Variants in RASAL2 observed in about 807,000 individuals in gnomAD.
RASAL2 encodes the protein ras GTPase-activating protein nGAP.
RASAL2 carries 58 observed loss-of-function variants against 128.9 expected under a neutral mutation model. The ratio of observed to expected loss-of-function variants is 0.45; its 90% confidence interval spans 0.36 to 0.56. The LOEUF (loss-of-function observed/expected upper bound fraction) is 0.56. RASAL2 is among the 20% of genes least tolerant of loss of function. RASAL2 has a pLI of 0.00. For synonymous variants in RASAL2, 561 were observed against 580.8 expected, an observed-to-expected ratio of 0.97 and a Z score of 0.49; for missense variants, 1,360 against 1,601.6, an observed-to-expected ratio of 0.85 and a Z score of 2.57.
chr1:178,358,962 T>A (rs141018835), intron 3 of RASAL2, among the ~76,000 whole-genome samples: 259 of 152,264 alleles, frequency 1.7e-3, no homozygotes, highest in African/African-American at 5.9e-3. Flanking sequence ...ATTCAAACAA[T>A]GTAAAAATTA....
intron 1 of RASAL2, among the ~76,000 whole-genome samples, chr1:178,216,042 G>C (rs1312961578): frequency 6.6e-6 from 1 of 152,156 alleles, no homozygotes; most frequent in Non-Finnish European, 1.5e-5. Flanking sequence ...ATGCTCTTGA[G>C]ACTTTTTGCT....
intron 1 of RASAL2, among the ~76,000 whole-genome samples, chr1:178,227,351 G>A (rs558623942): frequency 1.3e-5 from 2 of 152,210 alleles, no homozygotes; most frequent in African/African-American, 4.8e-5. Flanking sequence ...GTGGTTTTAG[G>A]GTGCAGTTTT....
chr1:178,465,968 C>T lies in RASAL2; in HGVS notation c.3436C>T (p.Arg1146Trp), dbSNP rs914167628. Residue 1146 changes from arginine (R) to tryptophan (W), a missense_variant, in exon 16 of 18, where the codon CGG (arginine) becomes TGG (tryptophan). This residue lies in a region of RASAL2 where 741 missense variants were observed against 868.6 expected (regional missense o/e 0.85). Transcript: ENST00000367649. ...KLKERLRVSS[R>W]RLEEYERRLL... ...GAAGGAGCGCCTGAGAGTTTCCAGC[C>T]GGCGACTGGAGGAATATGAACGCCG... The T allele has an allele frequency of 1.2e-5, 19 of 1,555,890 alleles. No homozygotes were observed. The highest frequency in any genetic ancestry group is 2.7e-5 in the African/African-American group (2 of 73,382).
chr1:178,276,316 A>G (rs1178335359), intron 1 of RASAL2, among the ~76,000 whole-genome samples: 3 of 152,168 alleles, frequency 2.0e-5, no homozygotes, highest in Non-Finnish European at 4.4e-5. Context: ...ATGAAGGGAT[A>G]AAATAAGTAA....
intron 3 of RASAL2, among the ~76,000 whole-genome samples, chr1:178,313,140 C>T (rs1478320309): frequency 2.6e-5 from 4 of 152,090 alleles, no homozygotes; most frequent in African/African-American, 7.2e-5. Context: ...GTCTAAATAA[C>T]GTACATAGTC....
intron 1 of RASAL2, among the ~76,000 whole-genome samples, chr1:178,122,646 A>G (rs989134330): frequency 1.6e-4 from 24 of 152,202 alleles, no homozygotes; most frequent in African/African-American, 5.8e-4. Context: ...GTGGTGCATG[A>G]AAATCTTTAT....
intron 1 of RASAL2, among the ~76,000 whole-genome samples, chr1:178,246,081 T>G (rs1664754945): frequency 6.6e-6 from 1 of 152,212 alleles, no homozygotes. Context: ...AAATTTAAAG[T>G]CATTTTTTCT....
At chr1:178,158,429 A>G (rs1301878420) in intron 1 of RASAL2, among the ~76,000 whole-genome samples, 2 of 152,174 alleles carry the variant, frequency 1.3e-5, no homozygotes. Flanking sequence ...CATAGCAAGT[A>G]CTCCATGAAT....
intron 13 of RASAL2, 43 bp downstream of exon 13, chr1:178,456,942 T>C (rs773360897): frequency 1.3e-6 from 2 of 1,575,918 alleles, no homozygotes; most frequent in Admixed American, 1.7e-5. Context: ...AGAAACATAA[T>C]GTTTAGATTT....
chr1:178,379,994 G>A (rs1027131056), intron 3 of RASAL2, among the ~76,000 whole-genome samples: 4 of 152,100 alleles, frequency 2.6e-5, no homozygotes, highest in Non-Finnish European at 5.9e-5. Context: ...CAGCCTCAGC[G>A]CCCCCTACCC....
At chr1:178,211,031 G>A (rs890618740) in intron 1 of RASAL2, among the ~76,000 whole-genome samples, 1 of 152,166 alleles carries the variant, frequency 6.6e-6, no homozygotes, top group African/African-American at 2.4e-5. Context: ...TTGGTCACCT[G>A]GGGTTTGAAC....
chr1:178,404,929 G>A (rs1448184073), intron 4 of RASAL2, among the ~76,000 whole-genome samples: 1 of 151,960 alleles, frequency 6.6e-6, no homozygotes, highest in Non-Finnish European at 1.5e-5. Context: ...CAATCCTCCT[G>A]CCTCGGCCTC....
intron 3 of RASAL2, among the ~76,000 whole-genome samples, chr1:178,347,263 C>A (rs1267626499): frequency 1.3e-5 from 2 of 152,032 alleles, no homozygotes; most frequent in Non-Finnish European, 2.9e-5. Context: ...AAATTATAAA[C>A]CCATTTTCAT....
At chr1:178,166,744 G>A (rs1167685310) in intron 1 of RASAL2, among the ~76,000 whole-genome samples, 1 of 152,094 alleles carries the variant, frequency 6.6e-6, no homozygotes, top group Non-Finnish European at 1.5e-5. Context: ...TACATTAGGA[G>A]TATTTTTTCG....
At chr1:178,307,428 ACTAT>A (rs2102291558) in intron 3 of RASAL2, among the ~76,000 whole-genome samples, 1 of 152,310 alleles carries the variant, frequency 6.6e-6, no homozygotes, top group East Asian at 1.9e-4. Context: ...TCATCAAAAG[ACTAT>A]CTAGATTCAA....
intron 2 of RASAL2, among the ~76,000 whole-genome samples, chr1:178,289,498 A>G (rs1318142481): frequency 6.6e-6 from 1 of 151,972 alleles, no homozygotes; most frequent in South Asian, 2.1e-4. Flanking sequence ...TCTCTCTTCA[A>G]AAGATGGAGT....
intron 3 of RASAL2, among the ~76,000 whole-genome samples, 182 bp from the exon 4 acceptor site, chr1:178,389,918 C>A (rs1050784624): frequency 3.3e-5 from 5 of 152,132 alleles, no homozygotes; most frequent in Middle Eastern, 3.4e-3. Flanking sequence ...TAACTGTGAC[C>A]AAGTCTCTCT....
intron 4 of RASAL2, among the ~76,000 whole-genome samples, chr1:178,411,348 G>A (rs1490883568): frequency 2.0e-5 from 3 of 152,172 alleles, no homozygotes; most frequent in African/African-American, 7.2e-5. Flanking sequence ...GAGCTAAGCT[G>A]TGAGGACACA....
chr1:178,373,975 G>A (rs1429575422), intron 3 of RASAL2, among the ~76,000 whole-genome samples: 1 of 152,102 alleles, frequency 6.6e-6, no homozygotes, highest in Non-Finnish European at 1.5e-5. Flanking sequence ...GATAAAAACA[G>A]GTAAGTTAGA....
Sources: allele counts gnomAD v4.1 joint callset (sites outside exome capture counted in the v4.1 genomes callset), GRCh38; gene constraint gnomAD v4.1.1; regional missense constraint gnomAD v4.1.1; transcripts MANE v1.5; gene names NCBI Gene and HGNC (gene_info 2026-07-23, HGNC 2026-07-21).